Variants in SLCO1A2 observed in about 807,000 individuals in gnomAD.
SLCO1A2 encodes the protein OATP-1.
Under a neutral mutation model 69.0 loss-of-function variants are expected in SLCO1A2, and 67 were observed. The observed-to-expected ratio is 0.97, with a 90% CI of 0.80 to 1.19. The LOEUF (loss-of-function observed/expected upper bound fraction) is 1.19, where lower values mean the gene tolerates loss of function less well. Among genes scored for constraint, SLCO1A2 ranks in the 50% most tolerant of loss-of-function variants. The probability of loss-of-function intolerance (pLI) is 0.00; values close to 1 mark genes in which losing one functional copy is unlikely to be tolerated. For missense variants in SLCO1A2, 787 were observed against 793.7 expected, an observed-to-expected ratio of 0.99 and a Z score of 0.10; for synonymous variants, 260 against 265.9, an observed-to-expected ratio of 0.98 and a Z score of 0.22.
chr12:21,285,757 C>T (rs1945658988), intron 12 of SLCO1A2, among the ~76,000 whole-genome samples: 1 of 150,822 alleles, frequency 6.6e-6, no homozygotes, highest in Non-Finnish European at 1.5e-5. Context: ...AAGACAAAAA[C>T]CACATGATTA....
At chr12:21,363,167 T>G (rs141728390) in intron 2 of SLCO1A2, among the ~76,000 whole-genome samples, 3,745 of 152,198 alleles carry the variant, frequency 0.025, 180 homozygotes, top group African/African-American at 0.085. Context: ...TCAGCAAATG[T>G]AAAAGAACAG....
intron 12 of SLCO1A2, among the ~76,000 whole-genome samples, chr12:21,276,285 C>G (rs1943809081): frequency 6.6e-6 from 1 of 151,942 alleles, no homozygotes; most frequent in South Asian, 2.1e-4. Flanking sequence ...CAGCATTCCT[C>G]TAAACCAGCA....
intron 6 of SLCO1A2, among the ~76,000 whole-genome samples, chr12:21,301,901 T>C (rs768169727): frequency 7.2e-5 from 11 of 152,294 alleles, no homozygotes; most frequent in Middle Eastern, 3.4e-3. Flanking sequence ...GAACCTATGC[T>C]GAACCCTCCC....
chr12:21,419,564 G>C (rs555415204), upstream of SLCO1A2: 1 of 158,044 alleles, frequency 6.3e-6, no homozygotes, highest in Non-Finnish European at 1.4e-5. Context: ...GGCTCTGAGG[G>C]TCCTACGCCC....
At chr12:21,389,552 C>T (rs952734209) in intron 1 of SLCO1A2, among the ~76,000 whole-genome samples, 3 of 151,996 alleles carry the variant, frequency 2.0e-5, no homozygotes, top group Non-Finnish European at 4.4e-5. Context: ...ACAGTCTAAC[C>T]TCTGCACTCT....
chr12:21,360,763 C>G (rs112015063), intron 2 of SLCO1A2, among the ~76,000 whole-genome samples: 1 of 152,210 alleles, frequency 6.6e-6, no homozygotes, highest in Non-Finnish European at 1.5e-5. Context: ...TTGGAGGCTC[C>G]CACACCCACG....
At chr12:21,401,050 AAATC>A (rs1189863649) in intron 1 of SLCO1A2, among the ~76,000 whole-genome samples, 1 of 152,002 alleles carries the variant, frequency 6.6e-6, no homozygotes, top group African/African-American at 2.4e-5. Flanking sequence ...GACAAAAAAA[AAATC>A]AGGAACAAAT....
intron 12 of SLCO1A2, among the ~76,000 whole-genome samples, chr12:21,279,022 T>C (rs1055666628): frequency 1.3e-5 from 2 of 151,854 alleles, no homozygotes; most frequent in African/African-American, 4.8e-5. Flanking sequence ...ATAAAAAGAA[T>C]CAAGCAGAAA....
intron 12 of SLCO1A2, among the ~76,000 whole-genome samples, chr12:21,287,620 A>C (rs1036451542): frequency 1.2e-3 from 159 of 134,770 alleles, no homozygotes; most frequent in African/African-American, 4.5e-3. Context: ...CCAAATGTTC[A>C]ACAATGATAG....
chr12:21,392,123 C>G (rs1301121902), intron 1 of SLCO1A2, among the ~76,000 whole-genome samples: 1 of 152,200 alleles, frequency 6.6e-6, no homozygotes, highest in Non-Finnish European at 1.5e-5. Context: ...ACCCCTCATT[C>G]ATGGTCTGAC....
chr12:21,370,232 C>G (rs1939678573), intron 2 of SLCO1A2, among the ~76,000 whole-genome samples: 3 of 151,988 alleles, frequency 2.0e-5, no homozygotes, highest in African/African-American at 4.8e-5. Context: ...CAAATAATAA[C>G]CACCGAAGAG....
At chr12:21,378,114 C>A (rs1016043061) in intron 1 of SLCO1A2, 11 of 847,828 alleles carry the variant, frequency 1.3e-5, no homozygotes, top group Non-Finnish European at 1.9e-5. Flanking sequence ...AACCAAAACA[C>A]TGAGTTACTT....
At chr12:21,388,808 T>A (rs182431491) in intron 1 of SLCO1A2, among the ~76,000 whole-genome samples, 12 of 151,958 alleles carry the variant, frequency 7.9e-5, no homozygotes, top group South Asian at 2.1e-4. Flanking sequence ...GAAAAAAAAA[T>A]AAGAAAATAT....
chr12:21,335,566 C>A (rs1443695757), upstream of SLCO1A2, among the ~76,000 whole-genome samples: 3 of 152,008 alleles, frequency 2.0e-5, no homozygotes, highest in African/African-American at 7.2e-5. Context: ...AAGTGTTTCA[C>A]TTTGGCAATA....
intron 4 of SLCO1A2, chr12:21,311,636 G>C (rs933411195): frequency 1.3e-5 from 2 of 151,588 alleles, no homozygotes; most frequent in African/African-American, 4.9e-5. Flanking sequence ...CCCTATCTCT[G>C]AAAGTCCGAG....
intron 1 of SLCO1A2, among the ~76,000 whole-genome samples, chr12:21,403,973 A>T (rs913790715): frequency 1.3e-5 from 2 of 152,116 alleles, no homozygotes; most frequent in African/African-American, 4.8e-5. Context: ...GTAGCTGGAT[A>T]TCTAAGAAAA....
rs1941962412 is a variant in SLCO1A2 at position 21,265,343 on chromosome 12, G to C, written c.*4205C>G. 2 of 152,596 alleles carry C rather than the reference G, an allele frequency of 1.3e-5. No individual in the cohort carries two copies. The highest frequency in any genetic ancestry group is 4.1e-4 in the South Asian group (2 of 4,822). 9.5% of individuals were successfully genotyped at this position (152,596 alleles called of 1,614,324 possible). ...CAGGGTGGGACACAGTGAAGGGATG[G>C]AAGGTGGTCTGGCTGGGAAGTCAAG... is the stretch of plus-strand genomic sequence containing the variant. On this transcript the variant is annotated 3_prime_UTR_variant, in exon 15 of 15. Transcript: ENST00000683939.
chr12:21,310,259 A>G (rs1949945061), intron 4 of SLCO1A2, among the ~76,000 whole-genome samples: 2 of 152,198 alleles, frequency 1.3e-5, no homozygotes, highest in African/African-American at 4.8e-5. Flanking sequence ...ACTCACATGA[A>G]TTTTTTTAAT....
upstream of SLCO1A2, among the ~76,000 whole-genome samples, chr12:21,398,360 G>T (rs76740074): frequency 0.11 from 11,943 of 106,132 alleles, 517 homozygotes; most frequent in Non-Finnish European, 0.15. Flanking sequence ...AATAACAGGA[G>T]CTGAAATTGT....
Sources: allele counts gnomAD v4.1 joint callset (sites outside exome capture counted in the v4.1 genomes callset), GRCh38; gene constraint gnomAD v4.1.1; transcripts MANE v1.5; gene names NCBI Gene and HGNC (gene_info 2026-07-23, HGNC 2026-07-21).